Variants in TIAM1 observed in about 807,000 individuals in gnomAD.
TIAM1 encodes the protein TIAM Rac1 associated GEF 1, also known as rho guanine nucleotide exchange factor TIAM1.
TIAM1 carries 65 observed loss-of-function variants against 163.5 expected under a neutral mutation model. That is an observed-to-expected ratio of 0.40 (90% CI 0.33 to 0.49). TIAM1 has a LOEUF of 0.49. TIAM1 is among the 20% of genes least tolerant of loss of function. The pLI, the probability that TIAM1 is intolerant of heterozygous loss-of-function variation, is 0.77. For missense variants in TIAM1, 1,789 were observed against 2,044.7 expected (o/e 0.87, Z 2.41); for synonymous variants, 833 against 810.1 (o/e 1.03, Z -0.48).
intron 2 of TIAM1, among the ~76,000 whole-genome samples, chr21:31,461,575 T>C (rs577298216): frequency 1.1e-4 from 16 of 152,322 alleles, no homozygotes; most frequent in African/African-American, 3.6e-4. Context: ...CATTATTTAG[T>C]GTGAGCCTAC....
chr21:31,190,844 CT>C (rs1421097131), intron 13 of TIAM1, among the ~76,000 whole-genome samples: 2 of 152,194 alleles, frequency 1.3e-5, no homozygotes, highest in Non-Finnish European at 2.9e-5. Context: ...ATTCTCCTCC[CT>C]AAAGTGTTCT....
At chr21:31,408,669 C>T (rs2077290513) in intron 2 of TIAM1, among the ~76,000 whole-genome samples, 1 of 152,134 alleles carries the variant, frequency 6.6e-6, no homozygotes, top group African/African-American at 2.4e-5. Context: ...GGAGCAAATT[C>T]CTATTCTTAA....
chr21:31,213,884 AAG>A (rs1555892556), intron 9 of TIAM1, among the ~76,000 whole-genome samples: 3 of 151,182 alleles, frequency 2.0e-5, no homozygotes, highest in African/African-American at 7.3e-5. Context: ...AAAAAAAAAA[AAG>A]AATTACATTA....
intron 2 of TIAM1, among the ~76,000 whole-genome samples, chr21:31,454,505 G>A (rs2045011295): frequency 3.9e-5 from 6 of 152,158 alleles, no homozygotes; most frequent in Admixed American, 3.9e-4. Context: ...ACACAGGAAG[G>A]GGAGGCCATG....
At chr21:31,552,116 GGCGT>G (rs2048713160) in intron 1 of TIAM1, among the ~76,000 whole-genome samples, 2 of 143,000 alleles carry the variant, frequency 1.4e-5, no homozygotes, top group South Asian at 4.4e-4. Flanking sequence ...GGAGTGCAGT[GGCGT>G]GATCTCGGCT....
chr21:31,305,663 T>C (rs1344022056), intron 2 of TIAM1, among the ~76,000 whole-genome samples: 2 of 152,198 alleles, frequency 1.3e-5, no homozygotes, highest in Non-Finnish European at 2.9e-5. Context: ...TTAACATGAC[T>C]GAACCCCTCC....
chr21:31,514,370 G>T (rs1009776658), intron 1 of TIAM1, among the ~76,000 whole-genome samples: 7 of 152,050 alleles, frequency 4.6e-5, no homozygotes. Flanking sequence ...GGCCAGCAAA[G>T]CAGCTGCCAC....
chr21:31,180,579 A>T (rs2084968503), intron 15 of TIAM1, among the ~76,000 whole-genome samples: 1 of 152,228 alleles, frequency 6.6e-6, no homozygotes, highest in Non-Finnish European at 1.5e-5. Context: ...AAAAAATCCA[A>T]AGAAAGTTGA....
At chr21:31,428,114 A>G (rs957627221) in intron 2 of TIAM1, among the ~76,000 whole-genome samples, 4 of 151,998 alleles carry the variant, frequency 2.6e-5, no homozygotes, top group African/African-American at 9.7e-5. Flanking sequence ...ATACAAAATT[A>G]GCCAGGCCTA....
intron 2 of TIAM1, among the ~76,000 whole-genome samples, chr21:31,309,166 T>C (rs915747543): frequency 1.8e-4 from 28 of 152,144 alleles, no homozygotes; most frequent in Non-Finnish European, 1.5e-4. Flanking sequence ...TTTAAAGGTC[T>C]TCCAAAATTA....
chr21:31,361,866 T>C (rs575970041), intron 2 of TIAM1, among the ~76,000 whole-genome samples: 229 of 151,100 alleles, frequency 1.5e-3, no homozygotes, highest in African/African-American at 5.2e-3. Context: ...GATAGATAGA[T>C]AGATAGATAG....
intron 15 of TIAM1, among the ~76,000 whole-genome samples, chr21:31,167,929 T>C (rs751541801): frequency 6.6e-6 from 1 of 152,074 alleles, no homozygotes; most frequent in Non-Finnish European, 1.5e-5. Flanking sequence ...CACATTCATA[T>C]GGTTCCCCTG....
chr21:31,469,997 T>C (rs927105773), intron 1 of TIAM1, among the ~76,000 whole-genome samples: 2 of 114,852 alleles, frequency 1.7e-5, no homozygotes, highest in African/African-American at 6.6e-5. Flanking sequence ...AGTGAAAACC[T>C]TGAATTTTTT....
intron 6 of TIAM1, among the ~76,000 whole-genome samples, chr21:31,228,951 A>G (rs1317815125): frequency 6.6e-6 from 1 of 152,302 alleles, no homozygotes; most frequent in East Asian, 1.9e-4. Flanking sequence ...AGATCTAGTG[A>G]GAACTCACTC....
chr21:31,353,163 C>T (rs2833387), intron 2 of TIAM1, among the ~76,000 whole-genome samples: 39,616 of 152,010 alleles, frequency 0.26, 6,186 homozygotes, highest in Middle Eastern at 0.43. Context: ...CAAATTTCAA[C>T]GCATATCAAG....
intron 2 of TIAM1, among the ~76,000 whole-genome samples, chr21:31,426,320 A>G (rs1359526855): frequency 6.6e-6 from 1 of 152,194 alleles, no homozygotes; most frequent in Non-Finnish European, 1.5e-5. Flanking sequence ...ACCTTCTCAG[A>G]CTTGGGGCTC....
At chr21:31,453,550 G>A (rs147121428) in intron 2 of TIAM1, among the ~76,000 whole-genome samples, 273 of 152,032 alleles carry the variant, frequency 1.8e-3, no homozygotes, top group Non-Finnish European at 3.2e-3. Context: ...AAAATTAGCC[G>A]GGTGTGGTGG....
At position 31,546,442 on chromosome 21, in the gene TIAM1, C is replaced by T. The variant is rs982686933; in HGVS notation, c.-422+12485G>A. Among the ~76,000 whole-genome samples the T allele has an allele frequency of 2.0e-5, 3 of 151,788 alleles. No homozygotes were observed. In the East Asian group the frequency reaches 5.8e-4, roughly 29 times the overall value. On this transcript the variant is annotated intron_variant, in intron 1 of 28. Coordinates refer to the TIAM1 transcript ENST00000286827. ...GCGCATGCCTGTAATCCCAGCTACT[C>T]AGGAGGCTGAGGAAGGAGAATCGCT...
chr21:31,551,222 A>C (rs2048674673), intron 1 of TIAM1, among the ~76,000 whole-genome samples: 1 of 151,862 alleles, frequency 6.6e-6, no homozygotes, highest in Admixed American at 6.6e-5. Context: ...TCAAAACAAA[A>C]ACAAAAACAA....
Sources: allele counts gnomAD v4.1 joint callset (sites outside exome capture counted in the v4.1 genomes callset), GRCh38; gene constraint gnomAD v4.1.1; transcripts MANE v1.5; gene names NCBI Gene and HGNC (gene_info 2026-07-23, HGNC 2026-07-21).